The following MACF1 variants were observed in gnomAD, a reference collection of about 807,000 sequenced individuals.
MACF1 encodes microtubule-actin cross-linking factor 1.
Under a neutral mutation model 854.8 loss-of-function variants are expected in MACF1, and 193 were observed. That is an observed-to-expected ratio of 0.23 (90% confidence interval 0.20 to 0.25). The LOEUF is 0.25. MACF1 is among the 10% of genes least tolerant of loss of function. The probability of loss-of-function intolerance (pLI) is 1.00; values close to 1 mark genes in which losing one functional copy is unlikely to be tolerated. For missense variants in MACF1, 7,722 were observed against 8,929.1 expected (o/e 0.86, Z 5.45); for synonymous variants, 3,185 against 3,226.7 (o/e 0.99, Z 0.44).
chr1:39,397,670 C>T (rs2148587498), intron 58 of MACF1, among the ~76,000 whole-genome samples: 1 of 152,172 alleles, frequency 6.6e-6, no homozygotes, highest in African/African-American at 2.4e-5. Flanking sequence ...TATCAGAAAG[C>T]CTATTTTATA....
intron 2 of MACF1, among the ~76,000 whole-genome samples, chr1:39,104,423 A>G (rs1329005234): frequency 6.6e-6 from 1 of 152,186 alleles, no homozygotes; most frequent in African/African-American, 2.4e-5. Context: ...CCTGATGACA[A>G]AGAATAATTG....
chr1:39,397,597 C>A (rs1474092342), intron 58 of MACF1, among the ~76,000 whole-genome samples: 8 of 151,756 alleles, frequency 5.3e-5, no homozygotes, highest in Admixed American at 2.6e-4. Flanking sequence ...CATCATAGCT[C>A]AGCTTAGCCT....
intron 2 of MACF1, among the ~76,000 whole-genome samples, chr1:39,190,422 T>TGC (rs1644241077): frequency 9.0e-6 from 1 of 111,670 alleles, no homozygotes; most frequent in Non-Finnish European, 1.7e-5. Context: ...TTTTTTTTGA[T>TGC]GGAATCTTGC....
chr1:39,089,262 G>T (rs2148119255), intron 2 of MACF1, among the ~76,000 whole-genome samples: 1 of 152,282 alleles, frequency 6.6e-6, no homozygotes, highest in Admixed American at 6.5e-5. Flanking sequence ...TGTGAAAAAG[G>T]GGAGTGCAGT....
At chr1:39,136,280 C>G (rs1643164846) in intron 2 of MACF1, among the ~76,000 whole-genome samples, 1 of 152,160 alleles carries the variant, frequency 6.6e-6, no homozygotes, top group African/African-American at 2.4e-5. Flanking sequence ...TACCAAAATT[C>G]TGAAGAAAGA....
chr1:39,333,001 A>G lies in MACF1; in HGVS notation c.6413A>G (p.Glu2138Gly), dbSNP rs1196032894. ...CACCTCCTGACCATACCTCCTGCTGAGGCGGAAGGTGTGCCGTTGGTGGTT... is the reference window on the plus strand; with the variant it reads ...CACCTCCTGACCATACCTCCTGCTGGGGCGGAAGGTGTGCCGTTGGTGGTT... ...RGHLLTIPPA[E>G]AEGVPLVVDK... Residue 2138 changes from glutamate to glycine, a missense_variant, in exon 37 of 101, where the codon GAG becomes GGG. Coordinates refer to ENST00000564288, the MANE Select transcript of MACF1 (RefSeq NM_001394062.1). 6.2e-6 allele frequency: 10 copies of G among 1,613,994 alleles called. No individual in the cohort carries two copies. In the East Asian group the frequency reaches 2.2e-4, roughly 36 times the overall value.
intron 1 of MACF1, among the ~76,000 whole-genome samples, chr1:39,227,719 ATC>A (rs1216840988): frequency 6.6e-6 from 1 of 152,178 alleles, no homozygotes; most frequent in East Asian, 1.9e-4. Context: ...ATACCATCCT[ATC>A]TCGCCACTAC....
intron 2 of MACF1, among the ~76,000 whole-genome samples, chr1:39,093,778 C>G (rs1196775008): frequency 6.6e-6 from 1 of 151,130 alleles, no homozygotes; most frequent in Non-Finnish European, 1.5e-5. Flanking sequence ...GCCATCACGC[C>G]CGGCCAAGGG....
chr1:39,371,789 C>A (rs1649266630), intron 51 of MACF1, among the ~76,000 whole-genome samples: 1 of 150,760 alleles, frequency 6.6e-6, no homozygotes, highest in Admixed American at 6.6e-5. Flanking sequence ...CCCTCTTGTC[C>A]ATCTGGCAAA....
chr1:39,417,968 T>C (rs1045807152), intron 58 of MACF1, among the ~76,000 whole-genome samples: 3 of 152,102 alleles, frequency 2.0e-5, no homozygotes, highest in Admixed American at 6.6e-5. Context: ...GTGGAACTTA[T>C]ACTGAGTGGA....
chr1:39,408,973 G>A (rs977897610), intron 58 of MACF1, among the ~76,000 whole-genome samples: 8 of 147,652 alleles, frequency 5.4e-5, no homozygotes, highest in African/African-American at 1.0e-4. Flanking sequence ...TCCTTCCTGT[G>A]CTCTCCGCGT....
At chr1:39,225,949 T>A (rs1012452233) in intron 1 of MACF1, among the ~76,000 whole-genome samples, 7 of 152,196 alleles carry the variant, frequency 4.6e-5, no homozygotes, top group Non-Finnish European at 1.0e-4. Flanking sequence ...TGGATTTCCT[T>A]GCTAAAAATT....
chr1:39,469,592 C>T lies in MACF1; in HGVS notation c.21935C>T (p.Ser7312Leu), dbSNP rs1644738042. 3.9e-6 allele frequency: 6 copies of T among 1,550,410 alleles called. No individual in the cohort carries two copies. The highest frequency in any genetic ancestry group is 3.9e-5 in the Admixed American group (2 of 50,986). ...SKIKRSDSSS[S>L]ISSQSPIARG... ...ATAAAGCGCTCTGATTCCAGCTCTTCGATTTCCAGTCAGTCTCCCATAGGT... is the reference window on the plus strand; with the variant it reads ...ATAAAGCGCTCTGATTCCAGCTCTTTGATTTCCAGTCAGTCTCCCATAGGT... Residue 7312 changes from serine to leucine, a missense_variant, in exon 97 of 101, where the codon TCG becomes TTG. Transcript: ENST00000564288.
chr1:39,400,532 G>C (rs924056941), intron 58 of MACF1, among the ~76,000 whole-genome samples: 1 of 151,196 alleles, frequency 6.6e-6, no homozygotes, highest in African/African-American at 2.4e-5. Context: ...TTGAGACAGG[G>C]TCTCACTTTG....
At chr1:39,320,786 A>G (rs1364413951) in intron 31 of MACF1, among the ~76,000 whole-genome samples, 6 of 151,680 alleles carry the variant, frequency 4.0e-5, no homozygotes, top group Non-Finnish European at 8.8e-5. Context: ...TGGGCAACAT[A>G]TCAAGATCCC....
chr1:39,367,066 GC>G (rs1408085265), intron 49 of MACF1, among the ~76,000 whole-genome samples: 1 of 149,440 alleles, frequency 6.7e-6, no homozygotes, highest in Non-Finnish European at 1.5e-5. Context: ...TTCTGCCTTA[GC>G]CTCCCAAGCA....
intron 1 of MACF1, among the ~76,000 whole-genome samples, chr1:39,227,269 T>C (rs495879): frequency 0.14 from 21,038 of 152,202 alleles, 2,513 homozygotes; most frequent in African/African-American, 0.33. Flanking sequence ...TCAGTTCTGA[T>C]TTCATTTTGT....
At chr1:39,290,996 G>C (rs1309376666) in intron 15 of MACF1, among the ~76,000 whole-genome samples, 2 of 149,092 alleles carry the variant, frequency 1.3e-5, no homozygotes, top group Non-Finnish European at 3.0e-5. Flanking sequence ...TTTTGAGACA[G>C]AGTCTCACTC....
rs1342900478 is a variant in MACF1 at position 39,327,456 on chromosome 1, A to T, written c.4614+103A>T. 8.1e-6 allele frequency: 10 copies of T among 1,239,320 alleles called. No homozygotes were observed. In the East Asian group the frequency reaches 2.4e-4, roughly 30 times the overall value. 76.8% of individuals were successfully genotyped at this position (1,239,320 alleles called of 1,614,324 possible). ...CATGATCACTAGCTTTCCATGACCA[A>T]TGTGACTTAATTTTTAACCTCACCT... On this transcript the variant is annotated intron_variant, in intron 36 of 100. Coordinates refer to ENST00000564288, the MANE Select transcript of MACF1 (RefSeq NM_001394062.1).
Sources: gnomAD v4.1 joint callset for allele counts (sites outside exome capture counted in the v4.1 genomes callset) on GRCh38, gnomAD v4.1.1 for gene constraint, MANE v1.5 for transcripts, NCBI Gene and HGNC (gene_info 2026-07-23, HGNC 2026-07-21) for gene names.